Variants in SLC51A observed in about 807,000 individuals in gnomAD.
The protein encoded by SLC51A is solute carrier family 51 member A, also known as organic solute transporter subunit alpha.
Under a neutral mutation model 34.8 loss-of-function variants are expected in SLC51A, and 22 were observed. The observed-to-expected ratio is 0.63, with a 90% CI of 0.45 to 0.90. The LOEUF (loss-of-function observed/expected upper bound fraction) is 0.90. Ranked by LOEUF, SLC51A falls within the 40% of genes least tolerant of loss-of-function variation. The pLI is 0.00. For missense variants in SLC51A, 371 were observed against 414.8 expected (o/e 0.89, Z 0.92); for synonymous variants, 181 against 176.3 (o/e 1.03, Z -0.21).
Position 196,227,644 on chromosome 3 carries a change from C to T in SLC51A, c.289-20C>T. 1 of 1,613,224 alleles carries T rather than the reference C, an allele frequency of 6.2e-7. No homozygotes were observed. Among genetic ancestry groups the T allele is most frequent in the Non-Finnish European group, 8.5e-7 (1 of 1,179,466 alleles). Reference sequence around the variant, plus strand: ...AGGGTCTCCCTCCCGCCCTCACCTGCTCCTGCCCCTTCTGAGCAGGTGGTG... The same window carrying T: ...AGGGTCTCCCTCCCGCCCTCACCTGTTCCTGCCCCTTCTGAGCAGGTGGTG... On this transcript the variant is annotated intron_variant, in intron 3 of 8. Coordinates refer to ENST00000296327, the MANE Select transcript of SLC51A (RefSeq NM_152672.6).
In SLC51A at chr3:196,233,319, C is replaced by A; in HGVS notation, c.*120C>A. The A allele has an allele frequency of 9.0e-7, 1 of 1,111,664 alleles. No individual in the cohort carries two copies. The highest frequency in any genetic ancestry group is 1.3e-6 in the Non-Finnish European group (1 of 773,500). 68.9% of individuals were successfully genotyped at this position (1,111,664 alleles called of 1,614,324 possible). ...CCTTGTCAACACAAGCTGGCAGATACATTTGACTCTACAGATGAAGGTGAA... is the reference window on the plus strand; with the variant it reads ...CCTTGTCAACACAAGCTGGCAGATAAATTTGACTCTACAGATGAAGGTGAA... On this transcript the variant is annotated 3_prime_UTR_variant, in exon 9 of 9. Coordinates refer to ENST00000296327, the MANE Select transcript of SLC51A (RefSeq NM_152672.6).
intron 2 of SLC51A, chr3:196,223,872 T>C (rs1437818059): frequency 2.4e-6 from 1 of 420,464 alleles, no homozygotes; most frequent in Non-Finnish European, 4.6e-6. Context: ...TTTTTTTTTT[T>C]TTTTTCAGAC....
Position 196,222,013 on chromosome 3 carries a change from C to T in SLC51A, c.133+4077C>T, listed in dbSNP as rs577824447. On this transcript the variant is annotated intron_variant, in intron 2 of 8. Coordinates refer to ENST00000296327, the MANE Select transcript of SLC51A (RefSeq NM_152672.6). Reference sequence around the variant, plus strand: ...GATGACAGGCGTGAGCCCCCCCGCCCGGCCTGGCATTTTGCTTTGAACTCA... The same window carrying T: ...GATGACAGGCGTGAGCCCCCCCGCCTGGCCTGGCATTTTGCTTTGAACTCA... 1.6e-4 allele frequency among the ~76,000 whole-genome samples: 25 copies of T among 152,286 alleles called. 1 individual carries two copies. The highest frequency in any genetic ancestry group is 1.6e-3 in the Admixed American group (25 of 15,298).
chr3:196,227,491 C>G, intron 3 of SLC51A, 173 bp from the exon 4 acceptor site: 2 of 634,626 alleles, frequency 3.2e-6, no homozygotes, highest in Non-Finnish European at 2.8e-6. Flanking sequence ...TTGAAACACC[C>G]TCCCACAGGT....
rs1415049851 is a variant in SLC51A, at chr3:196,233,294, C to T, written c.*95C>T. ...CCTTGACCAAATGGGAAGCATTCCC[C>T]CTTGTCAACACAAGCTGGCAGATAC... On this transcript the variant is annotated 3_prime_UTR_variant, in exon 9 of 9. Transcript: ENST00000296327. 2.2e-5 allele frequency: 30 copies of T among 1,351,868 alleles called. No homozygotes were observed. The highest frequency in any genetic ancestry group is 1.9e-4 in the Middle Eastern group (1 of 5,394). 83.7% of individuals were successfully genotyped at this position (1,351,868 alleles called of 1,614,324 possible). A position where few individuals can be genotyped will look rare whatever the true frequency, so the allele number is the denominator to read the frequency against.
At chr3:196,227,623 T>C in intron 3 of SLC51A, 41 bp from the exon 4 acceptor site, 6 of 1,590,136 alleles carry the variant, frequency 3.8e-6, no homozygotes, top group Non-Finnish European at 5.2e-6. Context: ...AGCCTCAGGG[T>C]CTCCCTCCCG....
chr3:196,222,810 C>G (rs1391808283), intron 2 of SLC51A, among the ~76,000 whole-genome samples: 1 of 151,698 alleles, frequency 6.6e-6, no homozygotes, highest in African/African-American at 2.4e-5. Flanking sequence ...CCCATAGTGT[C>G]TATTTAGATG....
rs1270589882 is a variant in SLC51A at position 196,229,818 on chromosome 3, A to G, written c.634-97A>G. 7.7e-6 allele frequency: 11 copies of G among 1,427,572 alleles called. 1 individual carries two copies. The highest frequency in any genetic ancestry group is 1.0e-5 in the Non-Finnish European group (11 of 1,067,488). 88.4% of individuals were successfully genotyped at this position (1,427,572 alleles called of 1,614,324 possible). A position where few individuals can be genotyped will look rare whatever the true frequency, so the allele number is the denominator to read the frequency against. On this transcript the variant is annotated intron_variant, in intron 6 of 8. Coordinates refer to ENST00000296327, the MANE Select transcript of SLC51A (RefSeq NM_152672.6). ...CAGTGAGCTATCATTGCACCTCTGC[A>G]CTTTCAGCTGGGTGACAGAGTGACA... is the stretch of plus-strand genomic sequence containing the variant.
rs531529677 is a variant in SLC51A, at chr3:196,227,412, T to C, written c.289-252T>C. 1,603 of 590,266 alleles carry C rather than the reference T, an allele frequency of 2.7e-3. 10 individuals are homozygous for C. The highest frequency in any genetic ancestry group is 4.3e-3 in the Non-Finnish European group (1,423 of 330,022). 36.6% of individuals were successfully genotyped at this position (590,266 alleles called of 1,614,324 possible). A position where few individuals can be genotyped will look rare whatever the true frequency, so the allele number is the denominator to read the frequency against. On this transcript the variant is annotated intron_variant, in intron 3 of 8. Coordinates refer to ENST00000296327, the MANE Select transcript of SLC51A (RefSeq NM_152672.6). ...CCACTTGAAGAGCTTCCTTCAGTGG[T>C]TCCTCAGAGTGTGGGGGAAAGTCTC...
chr3:196,222,933 TA>T, intron 2 of SLC51A, among the ~76,000 whole-genome samples: 1 of 151,952 alleles, frequency 6.6e-6, no homozygotes, highest in Admixed American at 6.6e-5. Flanking sequence ...TTTCCTTTCC[TA>T]ATTAGAGTAC....
At chr3:196,227,545 C>T (rs769985482) in intron 3 of SLC51A, 119 bp from the exon 4 acceptor site, 11 of 838,380 alleles carry the variant, frequency 1.3e-5, no homozygotes, top group African/African-American at 6.7e-5. Flanking sequence ...CAGCTGGCAA[C>T]GTTTAAGGAA....
chr3:196,222,391 T>C (rs973798470), intron 2 of SLC51A, among the ~76,000 whole-genome samples: 1 of 151,894 alleles, frequency 6.6e-6, no homozygotes, highest in Non-Finnish European at 1.5e-5. Flanking sequence ...TCCCAGCACT[T>C]TGGGAGGCCG....
In SLC51A at chr3:196,217,555, A is replaced by G. The variant is rs191597067; in HGVS notation, c.39-287A>G. Among the ~76,000 whole-genome samples the G allele has an allele frequency of 1.0e-2, 1,413 of 141,952 alleles. 72 individuals are homozygous for G. Among genetic ancestry groups the G allele is most frequent in the Admixed American group, 0.085 (1,190 of 13,946 alleles). 93.1% of individuals were successfully genotyped at this position (141,952 alleles called of 152,430 possible). A position where few individuals can be genotyped will look rare whatever the true frequency, so the allele number is the denominator to read the frequency against. ...AGACCCTGTCTCAAAAAGAAAAAAA[A>G]AGAAAGAAAAAGGAAGGAAGGAAGG... On this transcript the variant is annotated intron_variant, in intron 1 of 8. Coordinates refer to ENST00000296327, the MANE Select transcript of SLC51A (RefSeq NM_152672.6).
chr3:196,228,982 G>A lies in SLC51A; in HGVS notation c.633+62G>A, dbSNP rs1455151626. ...CATTTAGTACCTTTGTGTTCTAAAA[G>A]GAATCACCAGAGCCAACACCCCTTG... On this transcript the variant is annotated intron_variant, in intron 6 of 8. Coordinates refer to ENST00000296327, the MANE Select transcript of SLC51A (RefSeq NM_152672.6). The surrounding 1 kb of genome is among the most constrained non-coding windows in gnomAD (Gnocchi z 4.9). 1.5e-6 allele frequency: 2 copies of A among 1,369,520 alleles called. No individual in the cohort carries two copies. The highest frequency in any genetic ancestry group is 3.4e-5 in the Admixed American group (2 of 59,372). The allele number at this position is 1,369,520 out of a possible 1,614,324, so 84.8% of individuals were successfully genotyped here.
chr3:196,223,658 T>C (rs1723820556), intron 2 of SLC51A, among the ~76,000 whole-genome samples: 1 of 151,344 alleles, frequency 6.6e-6, no homozygotes, highest in Non-Finnish European at 1.5e-5. Flanking sequence ...TAATGTTGGC[T>C]TTTTCCTATC....
rs1455307227 is a variant in SLC51A, at chr3:196,228,824, G to A, written c.537G>A (p.Leu179=). The change falls in exon 6 of 9, where the codon CTG becomes CTA. Residue 179 remains leucine, a synonymous_variant. Transcript: ENST00000296327. The surrounding 1 kb of genome is among the most constrained non-coding windows in gnomAD (Gnocchi z 4.9). Reference sequence around the variant, plus strand: ...CCCCACTCAGGAAGAAGCTTCAGCTGCTGATGTTGGGCCCTTTCCAATACG... The same window carrying A: ...CCCCACTCAGGAAGAAGCTTCAGCTACTGATGTTGGGCCCTTTCCAATACG... The part of the protein sequence containing the change: ...RLLLTRKKLQ[L]LMLGPFQYAF... 1.2e-6 allele frequency: 2 copies of A among 1,614,144 alleles called. No homozygotes were observed. The highest frequency in any genetic ancestry group is 1.7e-5 in the Admixed American group (1 of 60,026).
intron 7 of SLC51A, 86 bp downstream of exon 7, chr3:196,230,147 G>A: frequency 7.8e-7 from 1 of 1,286,086 alleles, no homozygotes; most frequent in South Asian, 1.8e-5. Flanking sequence ...AAAGGCTAAA[G>A]TGGGCCGGGA....
At chr3:196,221,841 G>A (rs1295997190) in intron 2 of SLC51A, among the ~76,000 whole-genome samples, 9 of 151,446 alleles carry the variant, frequency 5.9e-5, no homozygotes, top group Middle Eastern at 3.4e-3. Context: ...TCAGCCTCCC[G>A]AGTAGCTGGG....
intron 7 of SLC51A, among the ~76,000 whole-genome samples, chr3:196,231,621 G>C (rs1229554730): frequency 6.6e-6 from 1 of 152,160 alleles, no homozygotes; most frequent in East Asian, 1.9e-4. Context: ...GGGCAGAAAG[G>C]TTCTGGGTCC....
Sources: gnomAD v4.1 joint callset for allele counts (sites outside exome capture counted in the v4.1 genomes callset) on GRCh38, gnomAD v4.1.1 for gene constraint, Gnocchi (gnomAD v3.1) non-coding constraint, MANE v1.5 for transcripts, NCBI Gene and HGNC (gene_info 2026-07-23, HGNC 2026-07-21) for gene names.